Variants in DENND5A observed in about 807,000 individuals in gnomAD.
DENND5A encodes the protein DENN domain containing 5A, also known as DENN domain-containing protein 5A.
DENND5A carries 64 observed loss-of-function variants against 140.3 expected under a neutral mutation model. The ratio of observed to expected loss-of-function variants is 0.46; its 90% confidence interval spans 0.37 to 0.56. DENND5A has a LOEUF of 0.56. Ranked by LOEUF, DENND5A falls within the 20% of genes least tolerant of loss-of-function variation. The pLI is 0.00. For synonymous variants in DENND5A, 605 were observed against 607.7 expected (o/e 1.00, Z 0.07); for missense variants, 1,292 against 1,593.8 (o/e 0.81, Z 3.22).
At chr11:9,152,157 T>C (rs867276572) in intron 13 of DENND5A, among the ~76,000 whole-genome samples, 3 of 152,228 alleles carry the variant, frequency 2.0e-5, no homozygotes, top group Non-Finnish European at 2.9e-5. Flanking sequence ...AAAAAGGGTA[T>C]AGAAATACAT....
intron 1 of DENND5A, among the ~76,000 whole-genome samples, chr11:9,243,615 C>T (rs1202896392): frequency 6.6e-6 from 1 of 152,078 alleles, no homozygotes; most frequent in Non-Finnish European, 1.5e-5. Flanking sequence ...CAGCCAGGCA[C>T]GGTGGCTCAC....
intron 4 of DENND5A, among the ~76,000 whole-genome samples, chr11:9,199,741 A>C (rs992138415): frequency 1.3e-5 from 2 of 152,194 alleles, no homozygotes; most frequent in Non-Finnish European, 2.9e-5. Flanking sequence ...AGGGCAGGAC[A>C]TGCAGCAGGC....
chr11:9,196,008 A>C (rs1347922831), intron 4 of DENND5A, among the ~76,000 whole-genome samples: 3 of 152,170 alleles, frequency 2.0e-5, no homozygotes. Flanking sequence ...GTTGGAGTGC[A>C]GTGGCGCAAT....
chr11:9,192,824 T>C (rs1849183116), intron 5 of DENND5A, among the ~76,000 whole-genome samples: 1 of 152,182 alleles, frequency 6.6e-6, no homozygotes. Flanking sequence ...CAAAGTAACA[T>C]ACCAGTTCTG....
Position 9,217,871 on chromosome 11 carries a change from C to T in DENND5A, c.110-10239G>A, listed in dbSNP as rs540054978. Among the ~76,000 whole-genome samples, 13 of 152,304 alleles carry T rather than the reference C, an allele frequency of 8.5e-5. No individual in the cohort carries two copies. The East Asian group carries it at 1.7e-3, about 20-fold the overall frequency. ...ATTTCCAACAAAGTATCTTTTCCCA[C>T]ACACAAAAATTATTATCACAGATAA... On this transcript the variant is annotated intron_variant, in intron 1 of 22. Coordinates refer to ENST00000328194, the MANE Select transcript of DENND5A (RefSeq NM_015213.4).
At chr11:9,142,658 A>G in intron 21 of DENND5A, 64 bp downstream of exon 21, 7 of 1,601,532 alleles carry the variant, frequency 4.4e-6, no homozygotes. Flanking sequence ...CACCCATGCT[A>G]TGCTGGTGAG....
chr11:9,206,798 T>C lies in DENND5A; in HGVS notation c.182-16A>G, dbSNP rs780849627. Reference sequence around the variant, plus strand: ...AAATTTTCTCCTGTAAGAAAAAGAATGAAGTAAATCATTTCTACAAAATCC... The same window carrying C: ...AAATTTTCTCCTGTAAGAAAAAGAACGAAGTAAATCATTTCTACAAAATCC... On this transcript the variant is annotated splice_polypyrimidine_tract_variant and intron_variant, in intron 2 of 22. Coordinates refer to ENST00000328194, the MANE Select transcript of DENND5A (RefSeq NM_015213.4). 1.9e-6 allele frequency: 3 copies of C among 1,547,928 alleles called. No homozygotes were observed. Among genetic ancestry groups the C allele is most frequent in the South Asian group, 1.1e-5 (1 of 89,668 alleles).
intron 1 of DENND5A, among the ~76,000 whole-genome samples, chr11:9,215,690 G>A (rs571704175): frequency 4.0e-5 from 6 of 151,212 alleles, no homozygotes; most frequent in Admixed American, 2.0e-4. Flanking sequence ...TGGGATTACA[G>A]GCACACACCA....
intron 5 of DENND5A, among the ~76,000 whole-genome samples, chr11:9,191,487 G>A (rs942338251): frequency 2.1e-4 from 32 of 152,176 alleles, no homozygotes; most frequent in African/African-American, 3.4e-4. Context: ...TGATCTGCCC[G>A]CCTCGGCCTC....
chr11:9,245,621 A>G (rs562205353), intron 1 of DENND5A: 38 of 151,706 alleles, frequency 2.5e-4, no homozygotes, highest in Admixed American at 1.8e-3. Context: ...GGCAGCCTCT[A>G]TTTTTAATTT....
chr11:9,185,799 G>C (rs1848893034), intron 5 of DENND5A, among the ~76,000 whole-genome samples: 1 of 152,050 alleles, frequency 6.6e-6, no homozygotes, highest in East Asian at 1.9e-4. Flanking sequence ...TGTTATCTCT[G>C]TGTCTTTGTG....
chr11:9,235,838 C>T (rs1460015282), intron 1 of DENND5A, among the ~76,000 whole-genome samples: 1 of 152,120 alleles, frequency 6.6e-6, no homozygotes, highest in Admixed American at 6.5e-5. Flanking sequence ...TGAGAAGTAA[C>T]TGTTTAATGA....
Position 9,170,747 on chromosome 11 carries a change from A to G in DENND5A, c.1937T>C (p.Ile646Thr), listed in dbSNP as rs754766067. 7.4e-6 allele frequency: 12 copies of G among 1,613,592 alleles called. No individual in the cohort carries two copies. Among genetic ancestry groups the G allele is most frequent in the Non-Finnish European group, 1.0e-5 (12 of 1,179,964 alleles). ...ATGTGGGTGAATTGCAGTATGGTCAATTTTTGCCAGACGCAGCTCAATTGC... is the reference window on the plus strand; with the variant it reads ...ATGTGGGTGAATTGCAGTATGGTCAGTTTTTGCCAGACGCAGCTCAATTGC... ...EKAIELRLAK[I>T]DHTAIHPHLL... Residue 646 changes from isoleucine (I) to threonine (T), a missense_variant, in exon 9 of 23, where the codon ATT becomes ACT. Ile to Thr is a moderately conservative substitution (Grantham distance 89). Coordinates refer to ENST00000328194, the MANE Select transcript of DENND5A (RefSeq NM_015213.4).
chr11:9,190,631 G>C (rs747763420), intron 5 of DENND5A, among the ~76,000 whole-genome samples: 1 of 152,114 alleles, frequency 6.6e-6, no homozygotes, highest in African/African-American at 2.4e-5. Flanking sequence ...CCCGGTCTCA[G>C]GTATGTCTTT....
chr11:9,212,624 C>A (rs1849923171), intron 1 of DENND5A, among the ~76,000 whole-genome samples: 1 of 150,486 alleles, frequency 6.6e-6, no homozygotes, highest in Non-Finnish European at 1.5e-5. Context: ...TGGAACAACA[C>A]AAGTACTGAA....
At chr11:9,193,773 A>T in intron 4 of DENND5A, 92 bp from the exon 5 acceptor site, 1 of 1,100,132 alleles carries the variant, frequency 9.1e-7, no homozygotes, top group South Asian at 1.6e-5. Flanking sequence ...TTTCAGTACA[A>T]TTTCTTATTT....
At chr11:9,140,576 C>G (rs1376546571) in intron 22 of DENND5A, among the ~76,000 whole-genome samples, 2 of 152,186 alleles carry the variant, frequency 1.3e-5, no homozygotes, top group African/African-American at 2.4e-5. Context: ...GATGAAACAA[C>G]TTTGTACTAA....
Position 9,174,626 on chromosome 11 carries a change from C to T in DENND5A, c.1906+3506G>A, listed in dbSNP as rs1467413049. ...AAGACGAGAGGATCCCTTCAGCCCA[C>T]TAGTTCAAAGTTACAGAAAACCACG... On this transcript the variant is annotated intron_variant, in intron 8 of 22. Coordinates refer to ENST00000328194, the MANE Select transcript of DENND5A (RefSeq NM_015213.4). 8.6e-5 allele frequency among the ~76,000 whole-genome samples: 13 copies of T among 151,302 alleles called. 1 individual carries two copies. Among genetic ancestry groups the T allele is most frequent in the Non-Finnish European group, 1.8e-4 (12 of 67,920 alleles).
chr11:9,249,710 G>A (rs1370764700), intron 1 of DENND5A, among the ~76,000 whole-genome samples: 4 of 152,012 alleles, frequency 2.6e-5, no homozygotes, highest in Admixed American at 6.6e-5. Context: ...ACCATGCCTG[G>A]CTAATTTTTG....
Sources: gnomAD v4.1 joint callset for allele counts (sites outside exome capture counted in the v4.1 genomes callset) on GRCh38, gnomAD v4.1.1 for gene constraint, MANE v1.5 for transcripts, NCBI Gene and HGNC (gene_info 2026-07-23, HGNC 2026-07-21) for gene names.